The following RUNX1T1 variants were observed in gnomAD, a reference collection of about 807,000 sequenced individuals.
RUNX1T1 encodes the protein protein CBFA2T1.
A neutral mutation model predicts 62.8 loss-of-function variants in RUNX1T1; 4 were observed. The observed-to-expected ratio is 0.06, with a 90% CI of 0.03 to 0.15. The LOEUF (loss-of-function observed/expected upper bound fraction) is 0.15, where lower values mean the gene tolerates loss of function less well. Ranked by LOEUF, RUNX1T1 falls within the 10% of genes least tolerant of loss-of-function variation. RUNX1T1 has a pLI of 1.00. For missense variants in RUNX1T1, 508 were observed against 754.3 expected, an observed-to-expected ratio of 0.67 and a Z score of 3.82; for synonymous variants, 291 against 286.0, an observed-to-expected ratio of 1.02 and a Z score of -0.18.
At chr8:91,973,861 C>T (rs1197518991) in intron 9 of RUNX1T1, among the ~76,000 whole-genome samples, 1 of 152,020 alleles carries the variant, frequency 6.6e-6, no homozygotes, top group Non-Finnish European at 1.5e-5. Context: ...TAAAATTTAG[C>T]ATATATCCAT....
intron 1 of RUNX1T1, among the ~76,000 whole-genome samples, chr8:92,077,404 C>T (rs1834584466): frequency 6.6e-6 from 1 of 151,978 alleles, no homozygotes; most frequent in East Asian, 1.9e-4. Flanking sequence ...AATATATGTA[C>T]ACGTATAGGT....
exon 11 of RUNX1T1, chr8:91,959,465 TGTATATGTGC>T (rs61614518): frequency 0.073 from 6,578 of 90,136 alleles, 472 homozygotes; most frequent in African/African-American, 0.27. Context: ...TGTGTGTGTG[TGTATATGTGC>T]GTGTGTGTGT....
chr8:91,957,086 C>T (rs1378231183), downstream of RUNX1T1: 4 of 217,812 alleles, frequency 1.8e-5, no homozygotes, highest in Middle Eastern at 1.5e-3. Context: ...AGCTAGAGGA[C>T]GCCCTATTCC....
At chr8:92,049,025 T>C (rs1829840112) in intron 1 of RUNX1T1, among the ~76,000 whole-genome samples, 1 of 152,210 alleles carries the variant, frequency 6.6e-6, no homozygotes, top group Non-Finnish European at 1.5e-5. Context: ...CCAGCACACC[T>C]AGCACAGATT....
chr8:91,997,123 T>C (rs1586898096), intron 5 of RUNX1T1, among the ~76,000 whole-genome samples: 1 of 152,050 alleles, frequency 6.6e-6, no homozygotes, highest in Non-Finnish European at 1.5e-5. Flanking sequence ...CGAGACTCCA[T>C]CTCAAGGAAA....
chr8:92,069,846 T>G (rs1442713087), intron 2 of RUNX1T1, among the ~76,000 whole-genome samples: 1 of 152,230 alleles, frequency 6.6e-6, no homozygotes, highest in East Asian at 1.9e-4. Context: ...AAAATTCTCC[T>G]TAACTGCATA....
chr8:92,070,651 C>A (rs531489115), intron 2 of RUNX1T1, among the ~76,000 whole-genome samples: 1 of 152,236 alleles, frequency 6.6e-6, no homozygotes, highest in Non-Finnish European at 1.5e-5. Context: ...ATAATTCCCA[C>A]CAAAATCTTC....
chr8:91,962,344 C>G (rs1388462937), intron 10 of RUNX1T1, among the ~76,000 whole-genome samples: 1 of 152,224 alleles, frequency 6.6e-6, no homozygotes, highest in Non-Finnish European at 1.5e-5. Context: ...ATCTCAAACT[C>G]TGGCCAATGA....
At chr8:92,063,735 A>G (rs1227228366), upstream of RUNX1T1, 1 of 152,212 alleles carries the variant, frequency 6.6e-6, no homozygotes, top group Non-Finnish European at 1.5e-5. Flanking sequence ...CAGAAGGAAA[A>G]TACTGTTCTC....
chr8:92,014,642 C>T, exon 3 of RUNX1T1: 1 of 1,613,900 alleles, frequency 6.2e-7, no homozygotes, highest in Non-Finnish European at 8.5e-7. Context: ...CATTGCCAAA[C>T]TGCTGCAGGG....
At chr8:92,047,190 C>T (rs1037316110) in intron 1 of RUNX1T1, among the ~76,000 whole-genome samples, 1 of 152,038 alleles carries the variant, frequency 6.6e-6, no homozygotes, top group Admixed American at 6.6e-5. Flanking sequence ...CCAGTCTAAC[C>T]TGGCCACGTT....
intron 2 of RUNX1T1, chr8:92,071,182 C>T (rs1265562210): frequency 6.6e-6 from 1 of 152,176 alleles, no homozygotes; most frequent in Non-Finnish European, 1.5e-5. Flanking sequence ...TATTCCAATT[C>T]CAAGAAAAGG....
intron 1 of RUNX1T1, among the ~76,000 whole-genome samples, chr8:92,062,313 A>C (rs1832170522): frequency 6.6e-6 from 1 of 152,098 alleles, no homozygotes; most frequent in South Asian, 2.1e-4. Context: ...AACCTTTAAA[A>C]TACATCTCCC....
chr8:92,009,422 T>C (rs1336795453), intron 4 of RUNX1T1, among the ~76,000 whole-genome samples: 1 of 152,014 alleles, frequency 6.6e-6, no homozygotes, highest in Non-Finnish European at 1.5e-5. Flanking sequence ...GGAAAAGCAC[T>C]AAAATTAGAA....
chr8:92,059,598 T>C (rs1258276142), intron 1 of RUNX1T1, among the ~76,000 whole-genome samples: 18 of 152,202 alleles, frequency 1.2e-4, no homozygotes, highest in Admixed American at 1.2e-3. Flanking sequence ...AATGCAGATA[T>C]GCTGTTAAAA....
chr8:92,008,802 C>A (rs998977130), intron 4 of RUNX1T1, among the ~76,000 whole-genome samples: 1 of 152,114 alleles, frequency 6.6e-6, no homozygotes, highest in African/African-American at 2.4e-5. Flanking sequence ...AGATAGATAG[C>A]AATTTCTTAG....
chr8:92,008,676 G>C (rs988999343), intron 4 of RUNX1T1, among the ~76,000 whole-genome samples: 1 of 152,060 alleles, frequency 6.6e-6, no homozygotes, highest in African/African-American at 2.4e-5. Context: ...GCATTCGCTG[G>C]CTCCCATCCA....
chr8:92,038,174 C>A (rs1029888133), intron 1 of RUNX1T1, among the ~76,000 whole-genome samples: 2 of 152,040 alleles, frequency 1.3e-5, no homozygotes, highest in African/African-American at 4.8e-5. Flanking sequence ...CTCAGCCTCC[C>A]GGGTAGATGG....
intron 5 of RUNX1T1, among the ~76,000 whole-genome samples, chr8:92,001,052 G>A (rs1359315456): frequency 6.6e-6 from 1 of 152,114 alleles, no homozygotes; most frequent in Admixed American, 6.6e-5. Context: ...CCAGCTGGGT[G>A]TGGTGGTGCA....
Sources: allele counts gnomAD v4.1 joint callset (sites outside exome capture counted in the v4.1 genomes callset), GRCh38; gene constraint gnomAD v4.1.1; transcripts MANE v1.5; gene names NCBI Gene and HGNC (gene_info 2026-07-23, HGNC 2026-07-21).